The following EPCAM variants were observed in gnomAD, a reference collection of about 807,000 sequenced individuals.
EPCAM encodes epithelial cell adhesion molecule.
EPCAM carries 39 observed loss-of-function variants against 40.0 expected under a neutral mutation model. The observed-to-expected ratio is 0.98, with a 90% CI of 0.76 to 1.27. The LOEUF (loss-of-function observed/expected upper bound fraction) is 1.27. EPCAM is among the 50% of genes most tolerant of loss of function. The pLI, the probability that EPCAM is intolerant of heterozygous loss-of-function variation, is 0.00. For synonymous variants in EPCAM, 168 were observed against 132.3 expected (o/e 1.27, Z -1.85); for missense variants, 503 against 381.2 (o/e 1.32, Z -2.66).
At chr2:47,382,124 T>G (rs1671609667) in intron 7 of EPCAM, among the ~76,000 whole-genome samples, 1 of 151,800 alleles carries the variant, frequency 6.6e-6, no homozygotes, top group African/African-American at 2.4e-5. Context: ...GCAAAGAAAC[T>G]GTAAAGTAAA....
chr2:47,385,894 C>A (rs1671732879), intron 8 of EPCAM, among the ~76,000 whole-genome samples: 1 of 152,058 alleles, frequency 6.6e-6, no homozygotes, highest in South Asian at 2.1e-4. Context: ...GGTTTGGTGA[C>A]CGCAAGTCTA....
intron 4 of EPCAM, among the ~76,000 whole-genome samples, chr2:47,376,198 T>C (rs1458648899): frequency 1.3e-5 from 2 of 151,838 alleles, no homozygotes; most frequent in African/African-American, 2.4e-5. Flanking sequence ...TTAAAGAGCA[T>C]GGGCAAGTCA....
At chr2:47,381,584 TC>T (rs1182506659) in intron 7 of EPCAM, among the ~76,000 whole-genome samples, 1 of 152,082 alleles carries the variant, frequency 6.6e-6, no homozygotes, top group Non-Finnish European at 1.5e-5. Flanking sequence ...GGGTGGCATG[TC>T]CAGAGCACAG....
chr2:47,380,086 C>A, intron 7 of EPCAM, 117 bp downstream of exon 7: 1 of 1,503,816 alleles, frequency 6.6e-7, no homozygotes. Flanking sequence ...GAGGCTGAGA[C>A]AGGTGGATCA....
Position 47,385,192 on chromosome 2 carries a change from A to G in EPCAM, c.885A>G (p.Ala295=), listed in dbSNP as rs775268591. The stretch of plus-strand genomic sequence containing the variant: ...TTATTTCCAGAAAGAAGAGAATGGC[A>G]AAGTATGAGAAGGCTGAGGTAAATG... The part of the protein sequence containing the change: ...VLVISRKKRM[A]KYEKAEIKEM... The change falls in exon 8 of 9, where the codon GCA becomes GCG. Residue 295 remains alanine, a synonymous_variant. Transcript: ENST00000263735. The G allele has an allele frequency of 1.2e-6, 2 of 1,613,124 alleles. No individual in the cohort carries two copies. The highest frequency in any genetic ancestry group is 1.1e-5 in the South Asian group (1 of 91,062).
intron 5 of EPCAM, among the ~76,000 whole-genome samples, chr2:47,377,987 C>G (rs1308009063): frequency 6.6e-6 from 1 of 152,016 alleles, no homozygotes; most frequent in Admixed American, 6.6e-5. Flanking sequence ...AATCCCAGCA[C>G]TTTGGGAGGC....
At position 47,373,917 on chromosome 2, in the gene EPCAM, C is replaced by G. The variant is rs756803114; in HGVS notation, c.294C>G (p.Asp98Glu). 3.7e-6 allele frequency: 6 copies of G among 1,614,082 alleles called. No homozygotes were observed. The highest frequency in any genetic ancestry group is 5.1e-6 in the Non-Finnish European group (6 of 1,180,026). The change falls in exon 3 of 9, where the codon GAC (aspartate) becomes GAG (glutamate). Residue 98 changes from aspartate to glutamate, a missense_variant. Physicochemically the swap from Asp to Glu is conservative, Grantham distance 45. Transcript: ENST00000263735. ...ACAATGATGGGCTTTATGATCCTGA[C>G]TGCGATGAGAGCGGGCTCTTTAAGG... ...LQNNDGLYDP[D>E]CDESGLFKAK...
chr2:47,376,586 A>AGGTTATGCATTTT (rs1671434184), intron 4 of EPCAM, among the ~76,000 whole-genome samples: 1 of 152,166 alleles, frequency 6.6e-6, no homozygotes, highest in African/African-American at 2.4e-5. Flanking sequence ...AACTAAAAGC[A>AGGTTATGCATTTT]GGTTATGCAT....
chr2:47,375,030 C>T (rs1430540052), intron 3 of EPCAM, among the ~76,000 whole-genome samples: 2 of 152,146 alleles, frequency 1.3e-5, no homozygotes, highest in Non-Finnish European at 2.9e-5. Flanking sequence ...GTCCAGAGAA[C>T]AGAGGGTCAA....
rs188779145 is a variant in EPCAM at position 47,386,414 on chromosome 2, A to G, written c.904-158A>G. On this transcript the variant is annotated intron_variant, in intron 8 of 8. Coordinates refer to ENST00000263735, the MANE Select transcript of EPCAM (RefSeq NM_002354.3). ...ACACTTAAATGTGTGTTTCCTTGCA[A>G]TATAACTTTTTCTTTTTTTATTTAA... 1.5e-3 allele frequency among the ~76,000 whole-genome samples: 223 copies of G among 152,282 alleles called. No individual in the cohort carries two copies. The Middle Eastern group carries it at 0.044, about 30-fold the overall frequency.
intron 5 of EPCAM, among the ~76,000 whole-genome samples, chr2:47,378,529 G>A (rs944235998): frequency 2.0e-5 from 3 of 151,662 alleles, no homozygotes; most frequent in Admixed American, 6.6e-5. Context: ...CTTGAACTCC[G>A]GACCTCAGGT....
At chr2:47,373,228 A>AC (rs919057694) in intron 1 of EPCAM, among the ~76,000 whole-genome samples, 33 of 150,800 alleles carry the variant, frequency 2.2e-4, no homozygotes, top group East Asian at 7.7e-4. Flanking sequence ...AAAAAAAAAA[A>AC]AAAAAAACAG....
In EPCAM at chr2:47,379,757, T is replaced by A. The variant is rs2103758642; in HGVS notation, c.658-12T>A. Reference sequence around the variant, plus strand: ...TAAATATTTTTAATTCCTTTTCTCCTTTTCAATACAGGTTAAAGGTGAATC... The same window carrying A: ...TAAATATTTTTAATTCCTTTTCTCCATTTCAATACAGGTTAAAGGTGAATC... On this transcript the variant is annotated splice_polypyrimidine_tract_variant and intron_variant, in intron 6 of 8. Transcript: ENST00000263735. 1 of 1,611,048 alleles carries A rather than the reference T, an allele frequency of 6.2e-7. No homozygotes were observed. The highest frequency in any genetic ancestry group is 1.7e-5 in the Admixed American group (1 of 59,964).
chr2:47,380,829 C>T (rs1558439111), intron 7 of EPCAM, among the ~76,000 whole-genome samples: 1 of 152,146 alleles, frequency 6.6e-6, no homozygotes, highest in Non-Finnish European at 1.5e-5. Context: ...TGGCTCAGGC[C>T]TGTAATCGCA....
At chr2:47,381,076 ACT>A (rs1671575449) in intron 7 of EPCAM, among the ~76,000 whole-genome samples, 1 of 105,320 alleles carries the variant, frequency 9.5e-6, no homozygotes, top group Non-Finnish European at 1.8e-5. Flanking sequence ...ACAGAGCAAG[ACT>A]CTGTCTCAAA....
intron 3 of EPCAM, 52 bp from the exon 4 acceptor site, chr2:47,375,182 T>C (rs1233838789): frequency 2.2e-6 from 3 of 1,335,672 alleles, no homozygotes; most frequent in Admixed American, 3.4e-5. Context: ...ATTAGGAAAA[T>C]AGTATGGAAG....
At chr2:47,376,168 C>T (rs925217641) in intron 4 of EPCAM, among the ~76,000 whole-genome samples, 2 of 151,022 alleles carry the variant, frequency 1.3e-5, no homozygotes, top group Non-Finnish European at 2.9e-5. Flanking sequence ...CTTTCTTTGT[C>T]TTCCATGAAC....
At position 47,383,713 on chromosome 2, in the gene EPCAM, C is replaced by T. The variant is rs1244466514; in HGVS notation, c.859-1453C>T. Among the ~76,000 whole-genome samples, 3 of 138,000 alleles carry T rather than the reference C, an allele frequency of 2.2e-5. No homozygotes were observed. The Admixed American group carries it at 2.3e-4, about 11-fold the overall frequency. The allele number at this position is 138,000 out of a possible 152,430, so 90.5% of individuals were successfully genotyped here. ...GCAGTGGCACGATCTCGGCTCACTG[C>T]AACCTCCATCTCCCAGGTTCAAGCC... On this transcript the variant is annotated intron_variant, in intron 7 of 8. Coordinates refer to ENST00000263735, the MANE Select transcript of EPCAM (RefSeq NM_002354.3).
chr2:47,372,807 G>A (rs531684380), intron 1 of EPCAM, among the ~76,000 whole-genome samples: 1 of 152,028 alleles, frequency 6.6e-6, no homozygotes, highest in Non-Finnish European at 1.5e-5. Context: ...GACTAACAGG[G>A]ATGTTACTTA....
Sources: allele counts gnomAD v4.1 joint callset (sites outside exome capture counted in the v4.1 genomes callset), GRCh38; gene constraint gnomAD v4.1.1; transcripts MANE v1.5; gene names NCBI Gene and HGNC (gene_info 2026-07-23, HGNC 2026-07-21).